The following PRDM10 variants were observed in gnomAD, a reference collection of about 807,000 sequenced individuals.
PRDM10 encodes PR/SET domain 10.
In PRDM10, 65 loss-of-function variants were observed where a neutral mutation model predicts 133.1. The observed-to-expected ratio is 0.49, with a 90% confidence interval of 0.40 to 0.60. The LOEUF (loss-of-function observed/expected upper bound fraction) is 0.60, where lower values mean the gene tolerates loss of function less well. PRDM10 is among the 20% of genes least tolerant of loss of function. PRDM10 has a pLI of 0.00. For synonymous variants in PRDM10, 582 were observed against 580.4 expected (o/e 1.00, Z -0.04); for missense variants, 1,137 against 1,507.1 (o/e 0.75, Z 4.07).
chr11:130,000,400 A>G (rs1939285840), intron 1 of PRDM10, among the ~76,000 whole-genome samples: 1 of 152,206 alleles, frequency 6.6e-6, no homozygotes, highest in Non-Finnish European at 1.5e-5. Flanking sequence ...AAGGAAAAAC[A>G]AAACAGGCAA....
intron 11 of PRDM10, among the ~76,000 whole-genome samples, chr11:129,926,958 C>G (rs1591609024): frequency 6.6e-6 from 1 of 152,164 alleles, no homozygotes; most frequent in Non-Finnish European, 1.5e-5. Context: ...ATAATCCCAG[C>G]ATTCTGGGAG....
intron 1 of PRDM10, among the ~76,000 whole-genome samples, chr11:129,977,914 T>A (rs1937876848): frequency 6.6e-6 from 1 of 151,254 alleles, no homozygotes; most frequent in African/African-American, 2.4e-5. Context: ...TGCGGTGAGA[T>A]CGCACCACTG....
chr11:129,957,404 C>T (rs112710433), intron 3 of PRDM10, among the ~76,000 whole-genome samples: 2,021 of 152,174 alleles, frequency 0.013, 38 homozygotes, highest in African/African-American at 0.045. Context: ...CTGCAACCTC[C>T]GCCTCCCAGG....
At position 129,915,004 on chromosome 11, in the gene PRDM10, C is replaced by A; in HGVS notation, c.2541G>T (p.Gln847His). Residue 847 changes from glutamine (Q) to histidine (H), a missense_variant, in exon 17 of 21, where the codon CAG becomes CAT. Transcript: ENST00000360871. ...ACTCTGGATGCTTCTTTCGAATGTG[C>A]TGGACCATCTTGGTCTGAAAAAGCA... ...KQYSSKTKMVQHIRKKHPEFA... is the reference protein window; with the variant it reads ...KQYSSKTKMVHHIRKKHPEFA... The A allele has an allele frequency of 6.3e-7, 1 of 1,595,242 alleles. No individual in the cohort carries two copies. Among genetic ancestry groups the A allele is most frequent in the South Asian group, 1.1e-5 (1 of 90,384 alleles).
In PRDM10 at chr11:129,944,962, G is replaced by T. The variant is rs1238478643; in HGVS notation, c.571C>A (p.Pro191Thr). The T allele has an allele frequency of 6.2e-7, 1 of 1,613,608 alleles. No individual in the cohort carries two copies. The highest frequency in any genetic ancestry group is 1.3e-5 in the African/African-American group (1 of 74,968). Residue 191 changes from proline to threonine, a missense_variant, in exon 6 of 21, where the codon CCC (proline) becomes ACC (threonine). By Grantham distance (38) the Pro-to-Thr change is conservative. This residue lies in a region of PRDM10 where 635 missense variants were observed against 835.2 expected (regional missense o/e 0.76). Coordinates refer to ENST00000360871, the MANE Select transcript of PRDM10 (RefSeq NM_199437.2). ...AHASVCPKHG[P>T]LHPIPNRPVL... ...GGCCGGTTGGGGATCGGGTGCAAGG[G>T]GCCGTGCTTCGGACACACTGAAGCA...
At chr11:129,937,534 TA>T (rs1304770244) in intron 8 of PRDM10, 63 bp downstream of exon 8, 2 of 1,465,264 alleles carry the variant, frequency 1.4e-6, no homozygotes, top group Admixed American at 2.2e-5. Flanking sequence ...AGAGGTTTCA[TA>T]AAGATGTGAT....
chr11:129,917,250 G>T lies in PRDM10; in HGVS notation c.2215-13C>A. ...ATAAGTGATTTACCTAAAGGGAAAAGAAAGAACCAATGAGAAAAAGAGACC... is the reference window on the plus strand; with the variant it reads ...ATAAGTGATTTACCTAAAGGGAAAATAAAGAACCAATGAGAAAAAGAGACC... On this transcript the variant is annotated splice_polypyrimidine_tract_variant and intron_variant, in intron 14 of 20. Transcript: ENST00000360871. The T allele has an allele frequency of 6.3e-7, 1 of 1,586,168 alleles. No individual in the cohort carries two copies. The highest frequency in any genetic ancestry group is 1.1e-5 in the South Asian group (1 of 89,464).
chr11:129,923,889 T>G lies in PRDM10; in HGVS notation c.1879-486A>C, dbSNP rs1195579502. On this transcript the variant is annotated intron_variant, in intron 12 of 20. Coordinates refer to ENST00000360871, the MANE Select transcript of PRDM10 (RefSeq NM_199437.2). This position sits in a 1 kb window ranked among gnomAD's most constrained non-coding sequence, Gnocchi z 4.4. ...CTTTTGATCCTTTTACATCTTCTTATAAAATTAAGTTCTGAAGAATTAAAG... is the reference window on the plus strand; with the variant it reads ...CTTTTGATCCTTTTACATCTTCTTAGAAAATTAAGTTCTGAAGAATTAAAG... 6.6e-6 allele frequency among the ~76,000 whole-genome samples: 1 copy of G among 152,254 alleles called. No homozygotes were observed. The highest frequency in any genetic ancestry group is 1.5e-5 in the Non-Finnish European group (1 of 68,042).
At chr11:129,987,508 A>T (rs1301569738) in intron 1 of PRDM10, among the ~76,000 whole-genome samples, 7 of 152,248 alleles carry the variant, frequency 4.6e-5, no homozygotes, top group African/African-American at 1.2e-4. Context: ...TAGACACACC[A>T]AATGACTGAG....
chr11:129,988,405 T>C (rs139930065), intron 1 of PRDM10, among the ~76,000 whole-genome samples: 247 of 152,262 alleles, frequency 1.6e-3, no homozygotes, highest in African/African-American at 4.8e-3. Flanking sequence ...GCAATTTTTA[T>C]ATTGTGGGTA....
Position 129,949,149 on chromosome 11 carries a change from T to C in PRDM10, c.295-1779A>G, listed in dbSNP as rs201865835. Among the ~76,000 whole-genome samples the C allele has an allele frequency of 5.3e-5, 8 of 152,322 alleles. No individual in the cohort carries two copies. The East Asian group carries it at 1.5e-3, about 29-fold the overall frequency. On this transcript the variant is annotated intron_variant, in intron 4 of 20. Coordinates refer to ENST00000360871, the MANE Select transcript of PRDM10 (RefSeq NM_199437.2). ...ATCTATTTTGGTGATGAGTATGCGTTTTCACATGAGTCCATCTTGCCTCTC... is the reference window on the plus strand; with the variant it reads ...ATCTATTTTGGTGATGAGTATGCGTCTTCACATGAGTCCATCTTGCCTCTC...
intron 17 of PRDM10, among the ~76,000 whole-genome samples, chr11:129,913,747 A>C (rs1424972703): frequency 6.6e-6 from 1 of 152,236 alleles, no homozygotes; most frequent in Non-Finnish European, 1.5e-5. Context: ...GACAAAGAAT[A>C]GTCAACGACA....
intron 15 of PRDM10, among the ~76,000 whole-genome samples, chr11:129,916,154 G>A (rs780323397): frequency 5.9e-5 from 9 of 152,140 alleles, no homozygotes; most frequent in Non-Finnish European, 1.3e-4. Flanking sequence ...ATGATACACA[G>A]ACAGAGGAAG....
chr11:129,992,541 C>T (rs909378439), intron 1 of PRDM10, among the ~76,000 whole-genome samples: 1 of 152,182 alleles, frequency 6.6e-6, no homozygotes, highest in African/African-American at 2.4e-5. Flanking sequence ...TGGTTTCCAC[C>T]TGCTGTTGTA....
intron 1 of PRDM10, among the ~76,000 whole-genome samples, chr11:129,971,194 AGCAAAATATATT>A (rs1170968805): frequency 6.6e-6 from 1 of 152,180 alleles, no homozygotes; most frequent in Non-Finnish European, 1.5e-5. Context: ...AAAGAGCAGT[AGCAAAATATATT>A]GCAAAGAGCA....
rs948779519 is a variant in PRDM10, at chr11:129,918,619, G to A, written c.2134C>T (p.Arg712Cys). The stretch of plus-strand genomic sequence containing the variant: ...CTGTCGTAGTCTGTGGACGTGATGC[G>A]GGGCTTGAACGTCTTGGAGCGGCTG... ...RISRSKTFKP[R>C]ITSTDYDSFT... Residue 712 changes from arginine (R) to cysteine (C), a missense_variant, in exon 14 of 21, where the codon CGC becomes TGC. Arg to Cys is a radical substitution (Grantham distance 180). This residue lies in a region of PRDM10 where 78 missense variants were observed against 96.4 expected (regional missense o/e 0.81). Coordinates refer to ENST00000360871, the MANE Select transcript of PRDM10 (RefSeq NM_199437.2). The surrounding 1 kb of genome is among the most constrained non-coding windows in gnomAD (Gnocchi z 5.3). 6 of 1,614,224 alleles carry A rather than the reference G, an allele frequency of 3.7e-6. No individual in the cohort carries two copies. The highest frequency in any genetic ancestry group is 1.1e-5 in the South Asian group (1 of 91,090).
chr11:129,915,980 T>C (rs529943133), intron 15 of PRDM10, 120 bp from the exon 16 acceptor site: 15 of 876,078 alleles, frequency 1.7e-5, no homozygotes, highest in African/African-American at 1.2e-4. Context: ...CCAAATAAAA[T>C]ATATTAATAT....
intron 17 of PRDM10, among the ~76,000 whole-genome samples, chr11:129,913,744 A>G (rs1950264761): frequency 6.6e-6 from 1 of 152,214 alleles, no homozygotes; most frequent in Admixed American, 6.5e-5. Context: ...CAAGACAAAG[A>G]ATAGTCAACG....
chr11:129,914,422 G>A (rs1040105385), intron 17 of PRDM10: 6 of 505,056 alleles, frequency 1.2e-5, no homozygotes, highest in African/African-American at 7.7e-5. Context: ...AGGATCAGAA[G>A]AGGGTCAGAA....
Sources: allele counts gnomAD v4.1 joint callset (sites outside exome capture counted in the v4.1 genomes callset), GRCh38; gene constraint gnomAD v4.1.1; regional missense constraint gnomAD v4.1.1; non-coding constraint Gnocchi (gnomAD v3.1); transcripts MANE v1.5; gene names NCBI Gene and HGNC (gene_info 2026-07-23, HGNC 2026-07-21).